The following CALN1 variants were observed in gnomAD, a reference collection of about 807,000 sequenced individuals.
CALN1 encodes the protein calcium-binding protein 8.
A neutral mutation model predicts 30.6 loss-of-function variants in CALN1; 17 were observed. The observed-to-expected ratio is 0.56, with a 90% CI of 0.38 to 0.83. The LOEUF (loss-of-function observed/expected upper bound fraction) is 0.83, where lower values mean the gene tolerates loss of function less well. Among genes scored for constraint, CALN1 ranks in the 40% least tolerant of loss-of-function variants. The probability of loss-of-function intolerance (pLI) is 0.00; values close to 1 mark genes in which losing one functional copy is unlikely to be tolerated. For missense variants in CALN1, 291 were observed against 354.9 expected, an observed-to-expected ratio of 0.82 and a Z score of 1.45; for synonymous variants, 156 against 131.4, an observed-to-expected ratio of 1.19 and a Z score of -1.28.
intron 5 of CALN1, among the ~76,000 whole-genome samples, chr7:71,992,157 A>C (rs1429105760): frequency 6.6e-6 from 1 of 152,228 alleles, no homozygotes; most frequent in Non-Finnish European, 1.5e-5. Context: ...AGACATTATG[A>C]CTATCACATT....
chr7:72,078,615 C>G lies in CALN1; in HGVS notation c.388+27536G>C, dbSNP rs185640384. On this transcript the variant is annotated intron_variant, in intron 4 of 6. Transcript: ENST00000395275. ...TGCCCAGGAGAGGAACCGAGAAGGG[C>G]CCCTCCGCCTTCTGAGTAAGAACAC... Among the ~76,000 whole-genome samples, 204 of 152,144 alleles carry G rather than the reference C, an allele frequency of 1.3e-3. 1 individual carries two copies. Among genetic ancestry groups the G allele is most frequent in the African/African-American group, 4.7e-3 (195 of 41,526 alleles).
intron 3 of CALN1, among the ~76,000 whole-genome samples, chr7:72,208,601 T>C (rs1395314893): frequency 6.6e-6 from 1 of 152,198 alleles, no homozygotes; most frequent in African/African-American, 2.4e-5. Flanking sequence ...TCCACCTGGG[T>C]GGCAGAATGC....
intron 5 of CALN1, among the ~76,000 whole-genome samples, chr7:71,826,031 T>C (rs1457125785): frequency 3.4e-5 from 1 of 29,568 alleles, no homozygotes; most frequent in Non-Finnish European, 5.2e-5. Context: ...AGACTCTGTC[T>C]CAAAAAAAAA....
intron 5 of CALN1, among the ~76,000 whole-genome samples, chr7:71,908,756 C>G (rs1794272305): frequency 6.6e-6 from 1 of 152,120 alleles, no homozygotes; most frequent in Non-Finnish European, 1.5e-5. Flanking sequence ...GTAGAGCCTC[C>G]TACAGTGGTC....
intron 5 of CALN1, among the ~76,000 whole-genome samples, chr7:71,953,655 A>C (rs1476503123): frequency 6.6e-6 from 1 of 152,140 alleles, no homozygotes; most frequent in East Asian, 1.9e-4. Flanking sequence ...ATAATTGTTG[A>C]TAAAGTTTCC....
intron 2 of CALN1, among the ~76,000 whole-genome samples, chr7:72,309,120 T>G (rs1414166466): frequency 6.6e-6 from 1 of 152,170 alleles, no homozygotes; most frequent in Non-Finnish European, 1.5e-5. Flanking sequence ...GGCAACAGCT[T>G]GCACAAGCTC....
chr7:72,288,750 T>C (rs1798270476), intron 2 of CALN1, among the ~76,000 whole-genome samples: 2 of 152,366 alleles, frequency 1.3e-5, no homozygotes, highest in South Asian at 4.1e-4. Context: ...TTCATCTTTA[T>C]GTATTGGATT....
chr7:72,053,032 C>G (rs1464966002), intron 4 of CALN1, among the ~76,000 whole-genome samples: 1 of 152,206 alleles, frequency 6.6e-6, no homozygotes, highest in Non-Finnish European at 1.5e-5. Context: ...GAGTTCAAGA[C>G]CAGCCTGGCC....
intron 1 of CALN1, among the ~76,000 whole-genome samples, chr7:72,411,410 AG>A (rs1807137664): frequency 6.6e-6 from 1 of 152,212 alleles, no homozygotes; most frequent in African/African-American, 2.4e-5. Flanking sequence ...TCTATGTTAG[AG>A]AAAAGAGCTG....
intron 3 of CALN1, among the ~76,000 whole-genome samples, chr7:72,138,777 T>TC (rs768959498): frequency 3.3e-5 from 5 of 151,958 alleles, no homozygotes; most frequent in Non-Finnish European, 7.4e-5. Flanking sequence ...CTCCCCTGGG[T>TC]CCCCCCACAA....
At chr7:71,892,327 G>A (rs1408373333) in intron 5 of CALN1, among the ~76,000 whole-genome samples, 1 of 152,024 alleles carries the variant, frequency 6.6e-6, no homozygotes, top group Admixed American at 6.6e-5. Flanking sequence ...TGAGATTCTA[G>A]TATTTTTCTC....
chr7:71,881,372 T>C (rs1462122531), intron 5 of CALN1, among the ~76,000 whole-genome samples: 1 of 152,174 alleles, frequency 6.6e-6, no homozygotes, highest in Non-Finnish European at 1.5e-5. Flanking sequence ...ATCTATCCTA[T>C]TAGTTCTGTC....
chr7:71,936,810 G>A (rs1019604162), intron 5 of CALN1, among the ~76,000 whole-genome samples: 1 of 152,078 alleles, frequency 6.6e-6, no homozygotes, highest in African/African-American at 2.4e-5. Context: ...GAGCCTGGAG[G>A]GAGACAATTT....
intron 6 of CALN1, among the ~76,000 whole-genome samples, chr7:71,804,961 A>T (rs1787521478): frequency 6.6e-6 from 1 of 152,202 alleles, no homozygotes; most frequent in South Asian, 2.1e-4. Flanking sequence ...ATATAAAAAA[A>T]ATATAAATAA....
chr7:71,830,746 T>C (rs1203774692), intron 5 of CALN1, among the ~76,000 whole-genome samples: 2 of 152,206 alleles, frequency 1.3e-5, no homozygotes, highest in African/African-American at 4.8e-5. Context: ...TCATTGAAAG[T>C]TACTAAACTT....
At chr7:72,251,492 T>C (rs1376573593) in intron 3 of CALN1, among the ~76,000 whole-genome samples, 1 of 152,020 alleles carries the variant, frequency 6.6e-6, no homozygotes, top group East Asian at 1.9e-4. Flanking sequence ...TCAACCTCCC[T>C]GGGCTTAAGC....
chr7:72,259,989 T>C (rs1176009615), intron 3 of CALN1, among the ~76,000 whole-genome samples: 3 of 152,152 alleles, frequency 2.0e-5, no homozygotes, highest in African/African-American at 7.2e-5. Flanking sequence ...TCCAGTGCTT[T>C]GGGAGGCCAA....
intron 4 of CALN1, among the ~76,000 whole-genome samples, chr7:72,046,655 A>G (rs1403363348): frequency 1.4e-5 from 2 of 139,514 alleles, no homozygotes; most frequent in Non-Finnish European, 3.0e-5. Context: ...GGTTGCAGTG[A>G]GCCGAGATCA....
chr7:71,936,505 GC>G (rs1280082104), intron 5 of CALN1, among the ~76,000 whole-genome samples: 1 of 152,042 alleles, frequency 6.6e-6, no homozygotes, highest in African/African-American at 2.4e-5. Context: ...CATCTTCTAG[GC>G]CCCTGGGAAA....
Sources: allele counts gnomAD v4.1 joint callset (sites outside exome capture counted in the v4.1 genomes callset), GRCh38; gene constraint gnomAD v4.1.1; transcripts MANE v1.5; gene names NCBI Gene and HGNC (gene_info 2026-07-23, HGNC 2026-07-21).